Variants in ELAPOR2 observed in about 807,000 individuals in gnomAD.
ELAPOR2 encodes the protein endosome-lysosome associated apoptosis and autophagy regulator family member 2.
ELAPOR2 carries 89 observed loss-of-function variants against 120.7 expected under a neutral mutation model. That is an observed-to-expected ratio of 0.74 (90% confidence interval 0.62 to 0.88). ELAPOR2 has a LOEUF of 0.88. Ranked by LOEUF, ELAPOR2 falls within the 40% of genes least tolerant of loss-of-function variation. ELAPOR2 has a pLI of 0.00. For synonymous variants in ELAPOR2, 444 were observed against 444.9 expected, an observed-to-expected ratio of 1.00 and a Z score of 0.03; for missense variants, 1,134 against 1,251.6, an observed-to-expected ratio of 0.91 and a Z score of 1.42.
In ELAPOR2 at chr7:86,881,357, C is replaced by CTT. The variant is rs773455638; in HGVS notation, c.3031-829_3031-828dup. Among the ~76,000 whole-genome samples, 26 of 138,968 alleles carry CTT rather than the reference C, an allele frequency of 1.9e-4. No homozygotes were observed. The East Asian group carries it at 2.5e-3, about 13-fold the overall frequency. The allele number at this position is 138,968 out of a possible 152,430, so 91.2% of individuals were successfully genotyped here. ...GACCTCAGATGCGAGCAAGCACGCC[C>CTT]TTTTTTTTTTTTTTTTGAGTCAGAG... On this transcript the variant is annotated intron_variant, in intron 21 of 21. Transcript: ENST00000450689.
intron 1 of ELAPOR2, among the ~76,000 whole-genome samples, chr7:87,005,960 G>A (rs1321411366): frequency 6.6e-6 from 1 of 152,060 alleles, no homozygotes; most frequent in Non-Finnish European, 1.5e-5. Flanking sequence ...ACCAAAACAT[G>A]ACATTAAGAA....
chr7:86,944,812 G>A (rs536302463), intron 4 of ELAPOR2, 87 bp downstream of exon 4: 3 of 1,105,066 alleles, frequency 2.7e-6, no homozygotes, highest in Middle Eastern at 2.1e-4. Flanking sequence ...AACTGAGGAG[G>A]AATAAAGTGG....
At chr7:86,918,156 A>T (rs1033594376) in intron 12 of ELAPOR2, among the ~76,000 whole-genome samples, 3 of 147,756 alleles carry the variant, frequency 2.0e-5, no homozygotes, top group Admixed American at 1.4e-4. Flanking sequence ...TTATGAAGGA[A>T]TTTTTTTTTT....
At chr7:86,942,150 G>A (rs1404538651) in intron 4 of ELAPOR2, 46 bp from the exon 5 acceptor site, 3 of 1,119,172 alleles carry the variant, frequency 2.7e-6, no homozygotes, top group African/African-American at 3.1e-5. Flanking sequence ...TTGAATAACA[G>A]CTTTAATTAA....
chr7:86,988,195 C>T (rs974098698), intron 1 of ELAPOR2, among the ~76,000 whole-genome samples: 4 of 151,958 alleles, frequency 2.6e-5, no homozygotes, highest in Non-Finnish European at 4.4e-5. Context: ...CAGGGCCTGT[C>T]GTGGGGTCAG....
At position 86,986,360 on chromosome 7, in the gene ELAPOR2, C is replaced by T. The variant is rs1266606671; in HGVS notation, c.190-21336G>A. 3.6e-5 allele frequency among the ~76,000 whole-genome samples: 4 copies of T among 110,376 alleles called. 1 individual carries two copies. Among genetic ancestry groups the T allele is most frequent in the Admixed American group, 2.6e-4 (3 of 11,652 alleles). The allele number at this position is 110,376 out of a possible 152,430, so 72.4% of individuals were successfully genotyped here. On this transcript the variant is annotated intron_variant, in intron 1 of 21. Coordinates refer to ENST00000450689, the MANE Select transcript of ELAPOR2 (RefSeq NM_001142749.3). ...AGGAGAATGGCGTGAACCCGGGAGGCGGAGCTTGCAGTGAGCCGAGATCCC... is the reference window on the plus strand; with the variant it reads ...AGGAGAATGGCGTGAACCCGGGAGGTGGAGCTTGCAGTGAGCCGAGATCCC...
chr7:87,052,213 A>T (rs1000763653), intron 1 of ELAPOR2, among the ~76,000 whole-genome samples: 3 of 152,184 alleles, frequency 2.0e-5, no homozygotes, highest in African/African-American at 4.8e-5. Flanking sequence ...TTTACAAAAG[A>T]AAGGGATTTA....
At chr7:86,991,094 A>G (rs1218414983) in intron 1 of ELAPOR2, among the ~76,000 whole-genome samples, 1 of 152,214 alleles carries the variant, frequency 6.6e-6, no homozygotes, top group Non-Finnish European at 1.5e-5. Context: ...TTTATTTATA[A>G]ATGTATATTT....
chr7:86,955,388 A>AT (rs532867029), intron 2 of ELAPOR2, among the ~76,000 whole-genome samples: 48 of 150,206 alleles, frequency 3.2e-4, no homozygotes, highest in Admixed American at 7.3e-4. Context: ...CTAATTGGGA[A>AT]TTTTTTTTTT....
At chr7:86,971,791 G>A (rs1201160317) in intron 1 of ELAPOR2, among the ~76,000 whole-genome samples, 1 of 152,164 alleles carries the variant, frequency 6.6e-6, no homozygotes, top group African/African-American at 2.4e-5. Context: ...AAGGGTAACA[G>A]AGATGGGGAT....
At chr7:86,944,793 C>CACA in intron 4 of ELAPOR2, 106 bp downstream of exon 4, 2 of 723,202 alleles carry the variant, frequency 2.8e-6, no homozygotes, top group South Asian at 2.6e-5. Context: ...CACACACACA[C>CACA]AAAAAAAAAA....
chr7:87,051,038 G>T (rs891363448), intron 1 of ELAPOR2, among the ~76,000 whole-genome samples: 1 of 152,218 alleles, frequency 6.6e-6, no homozygotes, highest in Non-Finnish European at 1.5e-5. Flanking sequence ...GTGACACCAA[G>T]GCTATGCTTG....
intron 2 of ELAPOR2, among the ~76,000 whole-genome samples, chr7:86,963,362 A>G (rs1791788451): frequency 6.6e-6 from 1 of 152,222 alleles, no homozygotes; most frequent in South Asian, 2.1e-4. Flanking sequence ...TTTGACCCCT[A>G]GCCAACAAAT....
At chr7:86,982,323 G>T (rs183772515) in intron 1 of ELAPOR2, among the ~76,000 whole-genome samples, 55 of 152,366 alleles carry the variant, frequency 3.6e-4, no homozygotes, top group African/African-American at 1.3e-3. Context: ...TCCCAGCATG[G>T]TGTTTGAGCT....
At position 86,908,466 on chromosome 7, in the gene ELAPOR2, CTG is replaced by C; in HGVS notation, c.2435_2436del (p.Pro812ArgfsTer7). Reference sequence around the variant, plus strand: ...ACTTACTTATAAAAGAAATGCACATCTGGTATTTGGCTTGTTGGAACTGGGAA... The same window carrying C: ...ACTTACTTATAAAAGAAATGCACATCGTATTTGGCTTGTTGGAACTGGGAA... Reference protein sequence around the residue: ...DMFPVPTSQIPDVHFFYKSST... With the variant: ...DMFPVPTSQIXDVHFFYKSST... On this transcript the variant is annotated frameshift_variant, in exon 17 of 22. Transcript: ENST00000450689. LOFTEE classifies it high-confidence loss of function. 6.3e-7 allele frequency: 1 copy of C among 1,577,930 alleles called. No homozygotes were observed. The highest frequency in any genetic ancestry group is 8.6e-7 in the Non-Finnish European group (1 of 1,158,820).
intron 1 of ELAPOR2, among the ~76,000 whole-genome samples, chr7:87,038,762 C>A (rs1794667615): frequency 1.3e-5 from 2 of 151,924 alleles, no homozygotes. Context: ...ACACAACATA[C>A]CAAAACTTAT....
At chr7:87,020,464 A>C (rs1794002569) in intron 1 of ELAPOR2, among the ~76,000 whole-genome samples, 1 of 152,158 alleles carries the variant, frequency 6.6e-6, no homozygotes, top group South Asian at 2.1e-4. Context: ...TACTGATATT[A>C]CTATAATGTG....
intron 1 of ELAPOR2, among the ~76,000 whole-genome samples, chr7:87,031,996 T>C (rs1174878469): frequency 6.6e-6 from 1 of 152,102 alleles, no homozygotes; most frequent in East Asian, 1.9e-4. Flanking sequence ...ACTGAATCTG[T>C]AGTGACAGCA....
intron 1 of ELAPOR2, among the ~76,000 whole-genome samples, chr7:86,985,621 C>T (rs1255791407): frequency 6.6e-6 from 1 of 152,068 alleles, no homozygotes; most frequent in Non-Finnish European, 1.5e-5. Flanking sequence ...GCAGAAAAGG[C>T]CTTCAACAAA....
Sources: gnomAD v4.1 joint callset for allele counts (sites outside exome capture counted in the v4.1 genomes callset) on GRCh38, gnomAD v4.1.1 for gene constraint, MANE v1.5 for transcripts, NCBI Gene and HGNC (gene_info 2026-07-23, HGNC 2026-07-21) for gene names.